TCP11: variants seen among roughly 807,000 people sequenced by gnomAD.
The protein encoded by TCP11 is t-complex 11, also known as T-complex protein 11 homolog.
TCP11 carries 34 observed loss-of-function variants against 45.0 expected under a neutral mutation model. The observed-to-expected ratio is 0.76, with a 90% confidence interval of 0.57 to 1.01. TCP11 has a LOEUF of 1.01. Ranked by LOEUF, TCP11 falls within the 50% of genes least tolerant of loss-of-function variation. TCP11 has a pLI of 0.00. For missense variants in TCP11, 523 were observed against 598.1 expected (o/e 0.87, Z 1.31); for synonymous variants, 227 against 227.0 (o/e 1.00, Z 0.00).
At chr6:35,140,710 C>A (rs765241973) in intron 2 of TCP11, 37 bp downstream of exon 2, 6 of 1,472,452 alleles carry the variant, frequency 4.1e-6, no homozygotes, top group Non-Finnish European at 4.6e-6. Context: ...ACTAAGCACC[C>A]CCTAGGGGGC....
rs199758911 is a variant in TCP11, at chr6:35,120,449, C to A, written c.913G>T (p.Glu305Ter). Reference protein sequence around the residue: ...GFLNLLLWDLENEEFPETLLM... With the variant: ...GFLNLLLWDL Reference sequence around the variant, plus strand: ...CCTACCTCAGGGAACTCTTCATTTTCAAGGTCCCAGAGAAGGAGGTTCAAG... The same window carrying A: ...CCTACCTCAGGGAACTCTTCATTTTAAAGGTCCCAGAGAAGGAGGTTCAAG... The change falls in exon 7 of 10, where the codon GAA (glutamate) becomes TAA (stop). Residue 305 changes from glutamate to a stop codon, truncating the protein, a stop_gained. Transcript: ENST00000311875. LOFTEE classifies it high-confidence loss of function. The surrounding 1 kb of genome is among the most constrained non-coding windows in gnomAD (Gnocchi z 4.9). 1 of 1,594,834 alleles carries A rather than the reference C, an allele frequency of 6.3e-7. No individual in the cohort carries two copies. Among genetic ancestry groups the A allele is most frequent in the East Asian group, 2.2e-5 (1 of 44,686 alleles).
rs563178594 is a variant in TCP11, at chr6:35,126,895, C to A, written c.357+2167G>T. ...CTGGCCTCAAATTCCTAGACTCAAGCATTCTGCCCACCTGAGCCTCCCAGA... is the reference window on the plus strand; with the variant it reads ...CTGGCCTCAAATTCCTAGACTCAAGAATTCTGCCCACCTGAGCCTCCCAGA... On this transcript the variant is annotated intron_variant, in intron 4 of 9. Transcript: ENST00000311875. Among the ~76,000 whole-genome samples the A allele has an allele frequency of 3.9e-5, 6 of 152,120 alleles. No individual in the cohort carries two copies. The East Asian group carries it at 1.2e-3, about 29-fold the overall frequency.
chr6:35,139,874 T>A (rs551478045), intron 2 of TCP11: 334 of 712,226 alleles, frequency 4.7e-4, no homozygotes, highest in Non-Finnish European at 6.7e-4. Flanking sequence ...AACAACCAAG[T>A]CAACCTAATA....
intron 2 of TCP11, chr6:35,137,899 C>A: frequency 2.4e-6 from 1 of 411,194 alleles, no homozygotes; most frequent in South Asian, 1.8e-5. Flanking sequence ...CATTCTATTT[C>A]ATAAATGTAT....
Position 35,136,290 on chromosome 6 carries a change from A to T in TCP11, c.125-72T>A. The T allele has an allele frequency of 2.6e-6, 3 of 1,167,606 alleles. No individual in the cohort carries two copies. The South Asian group carries it at 4.0e-5, about 16-fold the overall frequency. The allele number at this position is 1,167,606 out of a possible 1,614,324, so 72.3% of individuals were successfully genotyped here. Reference sequence around the variant, plus strand: ...TATTCAGAGATTCACTCAATCTAGTAGGCCCCAAATTTAGATTAATCAAAC... The same window carrying T: ...TATTCAGAGATTCACTCAATCTAGTTGGCCCCAAATTTAGATTAATCAAAC... On this transcript the variant is annotated intron_variant, in intron 2 of 9. Transcript: ENST00000311875.
chr6:35,129,013 A>G, intron 4 of TCP11, 49 bp downstream of exon 4: 1 of 1,600,404 alleles, frequency 6.2e-7, no homozygotes, highest in Non-Finnish European at 8.5e-7. Flanking sequence ...CACTCCAATG[A>G]GCTGGAGATG....
rs945257596 is a variant in TCP11 at position 35,141,223 on chromosome 6, G to A, written c.-33C>T. On this transcript the variant is annotated 5_prime_UTR_variant, in exon 1 of 10. Transcript: ENST00000311875. ...CCGTCACCTCCTCCTCCCCCGCCGC[G>A]GGTCATCCACTGGCGTCCGCTCGGT... is the stretch of plus-strand genomic sequence containing the variant. The A allele has an allele frequency of 1.4e-6, 2 of 1,406,632 alleles. No individual in the cohort carries two copies. Among genetic ancestry groups the A allele is most frequent in the Admixed American group, 2.8e-5 (1 of 36,110 alleles). The allele number at this position is 1,406,632 out of a possible 1,614,324, so 87.1% of individuals were successfully genotyped here.
At chr6:35,133,529 C>T (rs990690450) in intron 3 of TCP11, among the ~76,000 whole-genome samples, 7 of 151,948 alleles carry the variant, frequency 4.6e-5, no homozygotes, top group East Asian at 3.9e-4. Flanking sequence ...TGGTGGCTCA[C>T]GCCTGTAATC....
chr6:35,122,491 G>A (rs533591510), intron 4 of TCP11, among the ~76,000 whole-genome samples, 154 bp from the exon 5 acceptor site: 10 of 152,180 alleles, frequency 6.6e-5, no homozygotes, highest in South Asian at 2.1e-4. Context: ...ATTTATCTTT[G>A]TTTAGAGGCC....
In TCP11 at chr6:35,120,667, T is replaced by C; in HGVS notation, c.716-21A>G. 6.2e-7 allele frequency: 1 copy of C among 1,601,618 alleles called. No individual in the cohort carries two copies. Among genetic ancestry groups the C allele is most frequent in the Non-Finnish European group, 8.5e-7 (1 of 1,173,050 alleles). The stretch of plus-strand genomic sequence containing the variant: ...GAGACCTATGACAGGTAAGGGAGTG[T>C]GTAAGCATCTTTAGCATCTTCATCT... On this transcript the variant is annotated intron_variant, in intron 6 of 9. Transcript: ENST00000311875. This position sits in a 1 kb window ranked among gnomAD's most constrained non-coding sequence, Gnocchi z 4.9.
chr6:35,128,215 A>G (rs1780035825), intron 4 of TCP11: 2 of 152,170 alleles, frequency 1.3e-5, no homozygotes, highest in Admixed American at 6.5e-5. Context: ...TCCGTTTCCA[A>G]GCTCATTCAG....
intron 2 of TCP11, chr6:35,140,110 C>A (rs775605953): frequency 1.2e-6 from 2 of 1,613,696 alleles, no homozygotes; most frequent in Non-Finnish European, 1.7e-6. Flanking sequence ...ACAAGAAAAA[C>A]CAATCTAATT....
intron 3 of TCP11, among the ~76,000 whole-genome samples, chr6:35,129,956 A>G (rs1364907428): frequency 6.6e-6 from 1 of 151,672 alleles, no homozygotes; most frequent in Non-Finnish European, 1.5e-5. Context: ...TTATTTTTTT[A>G]TTTTTAGTAG....
At chr6:35,118,994 G>A (rs959996788) in intron 9 of TCP11, among the ~76,000 whole-genome samples, 1 of 152,122 alleles carries the variant, frequency 6.6e-6, no homozygotes, top group Non-Finnish European at 1.5e-5. Context: ...TAACCAGGTC[G>A]GCTGGACATA....
intron 4 of TCP11, 177 bp downstream of exon 4, chr6:35,128,885 T>G (rs1348628520): frequency 1.3e-6 from 1 of 769,836 alleles, no homozygotes; most frequent in Non-Finnish European, 2.0e-6. Context: ...TCCTACTCTC[T>G]GTTATAATAA....
At chr6:35,119,959 TTC>T (rs1779041743) in intron 8 of TCP11, among the ~76,000 whole-genome samples, 198 bp downstream of exon 8, 1 of 152,144 alleles carries the variant, frequency 6.6e-6, no homozygotes, top group African/African-American at 2.4e-5. Flanking sequence ...GCAAACTATC[TTC>T]CACACCCTTT....
At chr6:35,140,971 G>T in intron 1 of TCP11, 87 bp from the exon 2 acceptor site, 2 of 1,429,136 alleles carry the variant, frequency 1.4e-6, no homozygotes, top group South Asian at 1.5e-5. Flanking sequence ...GCGGGAAGGG[G>T]GGTAGCGGCC....
intron 4 of TCP11, among the ~76,000 whole-genome samples, chr6:35,124,331 A>G (rs1456289605): frequency 6.6e-6 from 1 of 152,194 alleles, no homozygotes; most frequent in Non-Finnish European, 1.5e-5. Context: ...AAGTGTCCAT[A>G]GCAAATAAGG....
In TCP11 at chr6:35,129,088, G is replaced by C. The variant is rs1167831775; in HGVS notation, c.331C>G (p.Leu111Val). 1 of 1,614,078 alleles carries C rather than the reference G, an allele frequency of 6.2e-7. No homozygotes were observed. The highest frequency in any genetic ancestry group is 1.1e-5 in the South Asian group (1 of 91,058). Residue 111 changes from leucine (L) to valine (V), a missense_variant, in exon 4 of 10, where the codon CTT becomes GTT. Physicochemically the swap from Leu to Val is conservative, Grantham distance 32. Coordinates refer to ENST00000311875, the MANE Select transcript of TCP11 (RefSeq NM_001370687.1). ...TCTTTAATTTCTTTCAGAAGTTCAA[G>C]AGCACAGCTGAAGTCAGGGGGAGTT... is the stretch of plus-strand genomic sequence containing the variant. ...SATPPDFSCA[L>V]ELLKEIKEIL... is the part of the protein sequence containing the mutation.
Sources: gnomAD v4.1 joint callset for allele counts (sites outside exome capture counted in the v4.1 genomes callset) on GRCh38, gnomAD v4.1.1 for gene constraint, Gnocchi (gnomAD v3.1) non-coding constraint, MANE v1.5 for transcripts, NCBI Gene and HGNC (gene_info 2026-07-23, HGNC 2026-07-21) for gene names.